The following LRSAM1 variants were observed in gnomAD, a reference collection of about 807,000 sequenced individuals.
The protein encoded by LRSAM1 is E3 ubiquitin-protein ligase LRSAM1.
Under a neutral mutation model 118.1 loss-of-function variants are expected in LRSAM1, and 96 were observed. The observed-to-expected ratio is 0.81, with a 90% CI of 0.69 to 0.96. The LOEUF is 0.96. Ranked by LOEUF, LRSAM1 falls within the 40% of genes least tolerant of loss-of-function variation. LRSAM1 has a pLI of 0.00. For synonymous variants in LRSAM1, 322 were observed against 364.2 expected, an observed-to-expected ratio of 0.88 and a Z score of 1.32; for missense variants, 804 against 915.5, an observed-to-expected ratio of 0.88 and a Z score of 1.57.
chr9:127,470,516 A>G (rs1293826391), intron 10 of LRSAM1, among the ~76,000 whole-genome samples: 1 of 152,118 alleles, frequency 6.6e-6, no homozygotes, highest in African/African-American at 2.4e-5. Flanking sequence ...GACCATATCA[A>G]TGCCCAATGG....
At chr9:127,499,539 T>A (rs370979778) in intron 24 of LRSAM1, among the ~76,000 whole-genome samples, 5,730 of 58,312 alleles carry the variant, frequency 0.098, 116 homozygotes, top group South Asian at 0.14. Context: ...TAAAAAAAAA[T>A]ATATATATAT....
chr9:127,473,866 G>C lies in LRSAM1; in HGVS notation c.685G>C (p.Glu229Gln), dbSNP rs563259179. ...LLPILEQDGI[E>Q]NSRDSPDGPT... The stretch of plus-strand genomic sequence containing the variant: ...GCCAATTCTGGAGCAAGATGGAATC[G>C]AGAACTCTCGGGACAGCCCTGATGG... The change falls in exon 11 of 26, where the codon GAG (glutamate) becomes CAG (glutamine). Residue 229 changes from glutamate (E) to glutamine (Q), a missense_variant. Coordinates refer to ENST00000300417, the MANE Select transcript of LRSAM1 (RefSeq NM_001005373.4). 1 of 1,614,238 alleles carries C rather than the reference G, an allele frequency of 6.2e-7. No individual in the cohort carries two copies. The highest frequency in any genetic ancestry group is 8.5e-7 in the Non-Finnish European group (1 of 1,180,040).
At chr9:127,460,905 G>T (rs546955160) in intron 7 of LRSAM1, among the ~76,000 whole-genome samples, 4 of 132,670 alleles carry the variant, frequency 3.0e-5, no homozygotes, top group Non-Finnish European at 6.2e-5. Context: ...GCCCAGGCCG[G>T]AGTGCAATGG....
At position 127,484,805 on chromosome 9, in the gene LRSAM1, T is replaced by TTTTC. The variant is rs1390375274; in HGVS notation, c.1160-928_1160-927insCTTT. Among the ~76,000 whole-genome samples the TTTTC allele has an allele frequency of 6.9e-5, 9 of 129,564 alleles. 1 individual carries two copies. The highest frequency in any genetic ancestry group is 2.0e-4 in the East Asian group (1 of 5,070). 85.0% of individuals were successfully genotyped at this position (129,564 alleles called of 152,430 possible). ...TTATTTTAATTTTTTGATTTTTCTT[T>TTTTC]TTTTCTTTTTTTTTTTTTTTTGAGA... On this transcript the variant is annotated intron_variant, in intron 16 of 25. Coordinates refer to ENST00000300417, the MANE Select transcript of LRSAM1 (RefSeq NM_001005373.4).
chr9:127,484,316 GA>G (rs1367532502), intron 16 of LRSAM1, among the ~76,000 whole-genome samples: 2 of 150,290 alleles, frequency 1.3e-5, no homozygotes, highest in Middle Eastern at 3.4e-3. Flanking sequence ...GCCCACCAGG[GA>G]AAAATTTTCT....
intron 19 of LRSAM1, among the ~76,000 whole-genome samples, 177 bp from the exon 20 acceptor site, chr9:127,491,038 A>G (rs1290622603): frequency 1.3e-5 from 2 of 152,114 alleles, no homozygotes; most frequent in African/African-American, 2.4e-5. Context: ...GAAGGAACGA[A>G]TTCTTGTTCA....
In LRSAM1 at chr9:127,467,913, A is replaced by T; in HGVS notation, c.619+83A>T. ...CCTGTGCCAGCCCAGGCTGGGGAAC[A>T]GCAGAGACAGAAATGGCCACAGTGC... On this transcript the variant is annotated intron_variant, in intron 10 of 25. Transcript: ENST00000300417. 4 of 1,387,544 alleles carry T rather than the reference A, an allele frequency of 2.9e-6. 1 individual carries two copies. The South Asian group carries it at 4.9e-5, about 17-fold the overall frequency. The allele number at this position is 1,387,544 out of a possible 1,614,324, so 86.0% of individuals were successfully genotyped here.
At chr9:127,457,858 GGCAGCACAGGTGTCAGCCCA>G (rs1031459310) in intron 6 of LRSAM1, among the ~76,000 whole-genome samples, 3 of 152,118 alleles carry the variant, frequency 2.0e-5, no homozygotes, top group African/African-American at 7.2e-5. Flanking sequence ...AGAGGAGGCC[GGCAGCACAGGTGTCAGCCCA>G]GCAGCACAGG....
intron 9 of LRSAM1, among the ~76,000 whole-genome samples, chr9:127,466,581 G>A (rs1385178297): frequency 7.4e-6 from 1 of 135,282 alleles, no homozygotes; most frequent in African/African-American, 2.8e-5. Flanking sequence ...TCGAACTCCT[G>A]GGCTGAAGTG....
intron 17 of LRSAM1, among the ~76,000 whole-genome samples, chr9:127,487,143 C>T (rs376788441): frequency 1.3e-3 from 191 of 150,596 alleles, no homozygotes; most frequent in Non-Finnish European, 2.2e-3. Context: ...ACGATCACAC[C>T]ACTGCACTCC....
At chr9:127,461,327 G>T in intron 8 of LRSAM1, 70 bp downstream of exon 8, 1 of 1,438,244 alleles carries the variant, frequency 7.0e-7, no homozygotes, top group South Asian at 1.1e-5. Flanking sequence ...GGATCCACAG[G>T]CTGCCCCGCC....
chr9:127,499,540 AT>A (rs11306296), intron 24 of LRSAM1, among the ~76,000 whole-genome samples: 35 of 42,536 alleles, frequency 8.2e-4, no homozygotes, highest in Non-Finnish European at 7.7e-4. Context: ...AAAAAAAAAT[AT>A]ATATATATAT....
chr9:127,499,701 C>T (rs1382903161), intron 24 of LRSAM1, among the ~76,000 whole-genome samples: 6 of 151,452 alleles, frequency 4.0e-5, no homozygotes, highest in African/African-American at 1.5e-4. Flanking sequence ...GAAGCCGAGG[C>T]GGGCAGATCA....
At chr9:127,454,839 G>A (rs1834457758) in intron 3 of LRSAM1, among the ~76,000 whole-genome samples, 159 bp from the exon 4 acceptor site, 1 of 152,220 alleles carries the variant, frequency 6.6e-6, no homozygotes, top group South Asian at 2.1e-4. Flanking sequence ...CAAGCTCTGG[G>A]AAAGCAGGGG....
In LRSAM1 at chr9:127,503,148, A is replaced by C; in HGVS notation, c.*249A>C. 1.8e-6 allele frequency: 1 copy of C among 544,526 alleles called. No individual in the cohort carries two copies. The highest frequency in any genetic ancestry group is 3.3e-6 in the Non-Finnish European group (1 of 303,398). The allele number at this position is 544,526 out of a possible 1,614,324, so 33.7% of individuals were successfully genotyped here. A position where few individuals can be genotyped will look rare whatever the true frequency, so the allele number is the denominator to read the frequency against. On this transcript the variant is annotated 3_prime_UTR_variant, in exon 26 of 26. Coordinates refer to ENST00000300417, the MANE Select transcript of LRSAM1 (RefSeq NM_001005373.4). ...GGGCTGGAGAGGCCGCTGCACCACC[A>C]CCCGAGCCTGGGAGCCAGCGTCCCA...
Position 127,500,358 on chromosome 9 carries a change from C to CAAAAAAAAAAAAAAA in LRSAM1, c.1913-649_1913-635dup, listed in dbSNP as rs563842364. Reference sequence around the variant, plus strand: ...CCTGGGTGACAGAGCGAGACTGTCTCAAAAAAAAAAAAAAAAAGAGACTTA... The same window carrying CAAAAAAAAAAAAAAA: ...CCTGGGTGACAGAGCGAGACTGTCTCAAAAAAAAAAAAAAAAAAAAAAAAAAAAAAAAGAGACTTA... On this transcript the variant is annotated intron_variant, in intron 24 of 25. Transcript: ENST00000300417. Among the ~76,000 whole-genome samples the CAAAAAAAAAAAAAAA allele has an allele frequency of 2.9e-3, 272 of 93,418 alleles. 34 individuals carry two copies. The highest frequency in any genetic ancestry group is 7.5e-3 in the Middle Eastern group (1 of 134). The allele number at this position is 93,418 out of a possible 152,430, so 61.3% of individuals were successfully genotyped here.
intron 24 of LRSAM1, 83 bp downstream of exon 24, chr9:127,497,417 T>C: frequency 7.3e-7 from 1 of 1,376,912 alleles, no homozygotes; most frequent in Non-Finnish European, 1.0e-6. Flanking sequence ...TTGCTTACAT[T>C]TCAGGATGAC....
At chr9:127,463,566 C>G (rs1333672620) in intron 9 of LRSAM1, among the ~76,000 whole-genome samples, 1 of 152,148 alleles carries the variant, frequency 6.6e-6, no homozygotes, top group African/African-American at 2.4e-5. Flanking sequence ...TCCAAATTCC[C>G]TCCTCTTAGA....
intron 13 of LRSAM1, 71 bp from the exon 14 acceptor site, chr9:127,479,768 A>G: frequency 7.0e-6 from 11 of 1,575,030 alleles, no homozygotes; most frequent in South Asian, 2.3e-5. Context: ...CCAGCCTCCT[A>G]ACCCCAGTCA....
Sources: gnomAD v4.1 joint callset for allele counts (sites outside exome capture counted in the v4.1 genomes callset) on GRCh38, gnomAD v4.1.1 for gene constraint, MANE v1.5 for transcripts, NCBI Gene and HGNC (gene_info 2026-07-23, HGNC 2026-07-21) for gene names.